HHAT: variants seen among roughly 807,000 people sequenced by gnomAD.
HHAT encodes protein-cysteine N-palmitoyltransferase HHAT.
HHAT carries 47 observed loss-of-function variants against 70.8 expected under a neutral mutation model. The ratio of observed to expected loss-of-function variants is 0.66; its 90% CI spans 0.53 to 0.85. The LOEUF (loss-of-function observed/expected upper bound fraction) is 0.85, where lower values mean the gene tolerates loss of function less well. Among genes scored for constraint, HHAT ranks in the 40% least tolerant of loss-of-function variants. The probability of loss-of-function intolerance (pLI) is 0.00; values close to 1 mark genes in which losing one functional copy is unlikely to be tolerated. For missense variants in HHAT, 609 were observed against 604.8 expected, an observed-to-expected ratio of 1.01 and a Z score of -0.07; for synonymous variants, 228 against 247.6, an observed-to-expected ratio of 0.92 and a Z score of 0.74.
chr1:210,389,441 C>T (rs2091305866), intron 4 of HHAT, among the ~76,000 whole-genome samples: 1 of 152,226 alleles, frequency 6.6e-6, no homozygotes. Flanking sequence ...TGTGTCCCTA[C>T]CCAAATCTCA....
chr1:210,564,398 G>C (rs1434178755), intron 9 of HHAT, among the ~76,000 whole-genome samples: 2 of 152,242 alleles, frequency 1.3e-5, no homozygotes, highest in East Asian at 3.9e-4. Context: ...ATGAGGAGCA[G>C]TGGCTCTAAA....
intron 7 of HHAT, among the ~76,000 whole-genome samples, chr1:210,422,614 A>G (rs1203371525): frequency 2.0e-5 from 3 of 152,126 alleles, no homozygotes; most frequent in Non-Finnish European, 4.4e-5. Context: ...ATGGTATTCC[A>G]TGGTGTAAAA....
chr1:210,481,074 A>G (rs1342291396), intron 8 of HHAT, among the ~76,000 whole-genome samples: 2 of 151,960 alleles, frequency 1.3e-5, no homozygotes. Context: ...TAAGCGAATG[A>G]TATGGTGTGT....
chr1:210,638,030 C>A (rs550774621), intron 11 of HHAT, among the ~76,000 whole-genome samples: 4 of 152,230 alleles, frequency 2.6e-5, no homozygotes, highest in Non-Finnish European at 4.4e-5. Context: ...GCTATAATAA[C>A]AAAAAATGGA....
chr1:210,343,669 C>T (rs923629612), intron 1 of HHAT, among the ~76,000 whole-genome samples: 1 of 152,080 alleles, frequency 6.6e-6, no homozygotes, highest in South Asian at 2.1e-4. Flanking sequence ...GGCTGAAAGC[C>T]TGCGGGTGGT....
At chr1:210,553,080 G>A (rs2095541015) in intron 9 of HHAT, among the ~76,000 whole-genome samples, 1 of 152,188 alleles carries the variant, frequency 6.6e-6, no homozygotes, top group South Asian at 2.1e-4. Context: ...GTCCTAAGAT[G>A]TCAGCATCTT....
chr1:210,600,970 G>T (rs1206601055), intron 10 of HHAT, among the ~76,000 whole-genome samples: 1 of 151,866 alleles, frequency 6.6e-6, no homozygotes, highest in East Asian at 1.9e-4. Flanking sequence ...GTCCTGCTGA[G>T]CTGATTTATA....
At chr1:210,419,198 C>T (rs771811232) in intron 7 of HHAT, among the ~76,000 whole-genome samples, 4 of 152,096 alleles carry the variant, frequency 2.6e-5, no homozygotes, top group East Asian at 1.9e-4. Context: ...TATTAGGCAG[C>T]GCTGCACATT....
intron 1 of HHAT, among the ~76,000 whole-genome samples, chr1:210,347,763 C>A (rs764585): frequency 0.79 from 120,119 of 152,058 alleles, 48,167 homozygotes; most frequent in African/African-American, 0.93. Context: ...GGGGTGGTAC[C>A]TGGATTTGGG....
chr1:210,593,829 A>T (rs948523208), intron 10 of HHAT, among the ~76,000 whole-genome samples: 1 of 152,150 alleles, frequency 6.6e-6, no homozygotes, highest in Non-Finnish European at 1.5e-5. Flanking sequence ...TGCTTTATAC[A>T]TGTGGGTGCT....
intron 7 of HHAT, among the ~76,000 whole-genome samples, chr1:210,430,500 GT>G (rs941479381): frequency 6.6e-6 from 1 of 151,848 alleles, no homozygotes; most frequent in Non-Finnish European, 1.5e-5. Context: ...ACATTACTAT[GT>G]TTTTTCTTAG....
At chr1:210,664,146 G>A (rs764507329) in intron 11 of HHAT, among the ~76,000 whole-genome samples, 4 of 152,220 alleles carry the variant, frequency 2.6e-5, no homozygotes, top group Non-Finnish European at 1.5e-5. Context: ...CTGTTGCTGT[G>A]TATCTTTTGA....
intron 11 of HHAT, among the ~76,000 whole-genome samples, chr1:210,646,504 G>A (rs12060387): frequency 0.08 from 12,163 of 152,162 alleles, 633 homozygotes; most frequent in African/African-American, 0.14. Context: ...ACAAAAGCCC[G>A]TAAGACAAGA....
At chr1:210,390,465 T>G (rs2091383149) in intron 4 of HHAT, among the ~76,000 whole-genome samples, 2 of 81,458 alleles carry the variant, frequency 2.5e-5, no homozygotes, top group Non-Finnish European at 4.5e-5. Context: ...AAGCAAAAAG[T>G]GATCATAAAC....
intron 3 of HHAT, among the ~76,000 whole-genome samples, chr1:210,382,475 C>G: frequency 6.6e-6 from 1 of 152,144 alleles, no homozygotes; most frequent in East Asian, 1.9e-4. Context: ...GTTCCTGCTC[C>G]TCGCCATTTT....
At chr1:210,371,620 A>G (rs1354584437) in intron 3 of HHAT, among the ~76,000 whole-genome samples, 1 of 152,218 alleles carries the variant, frequency 6.6e-6, no homozygotes, top group African/African-American at 2.4e-5. Flanking sequence ...ATTCACGCAC[A>G]CAGCCAAATC....
intron 9 of HHAT, among the ~76,000 whole-genome samples, chr1:210,535,234 A>T (rs1470951773): frequency 6.6e-6 from 1 of 152,182 alleles, no homozygotes; most frequent in Non-Finnish European, 1.5e-5. Flanking sequence ...GAACATGCCC[A>T]TATCAGGCTC....
chr1:210,453,066 A>G lies in HHAT; in HGVS notation c.857-11439A>G, dbSNP rs1227755849. Among the ~76,000 whole-genome samples, 6 of 152,216 alleles carry G rather than the reference A, an allele frequency of 3.9e-5. No homozygotes were observed. The South Asian group carries it at 1.0e-3, about 26-fold the overall frequency. On this transcript the variant is annotated intron_variant, in intron 7 of 11. Coordinates refer to ENST00000261458, the MANE Select transcript of HHAT (RefSeq NM_018194.6). The stretch of plus-strand genomic sequence containing the variant: ...GTGCACCTATCTAAATGGTAATGAA[A>G]TGCCAGCAAAGTTATCCATTTGCTT...
chr1:210,347,674 A>G (rs2086642442), intron 1 of HHAT, among the ~76,000 whole-genome samples: 1 of 152,150 alleles, frequency 6.6e-6, no homozygotes, highest in Non-Finnish European at 1.5e-5. Context: ...AGAATAGGAG[A>G]GGCTTAAACA....
Sources: gnomAD v4.1 joint callset for allele counts (sites outside exome capture counted in the v4.1 genomes callset) on GRCh38, gnomAD v4.1.1 for gene constraint, MANE v1.5 for transcripts, NCBI Gene and HGNC (gene_info 2026-07-23, HGNC 2026-07-21) for gene names.